Variants in OVCH2 observed in about 807,000 individuals in gnomAD.
OVCH2 encodes the protein ovochymase-2.
OVCH2 carries 88 observed loss-of-function variants against 73.7 expected under a neutral mutation model. The observed-to-expected ratio is 1.19, with a 90% CI of 1.01 to 1.43. OVCH2 has a LOEUF of 1.43. OVCH2 is among the 40% of genes most tolerant of loss of function. The pLI, the probability that OVCH2 is intolerant of heterozygous loss-of-function variation, is 0.00. For synonymous variants in OVCH2, 265 were observed against 234.5 expected (o/e 1.13, Z -1.19); for missense variants, 706 against 674.5 (o/e 1.05, Z -0.52).
intron 7 of OVCH2, chr11:7,699,074 C>A: frequency 3.3e-6 from 1 of 298,636 alleles, no homozygotes; most frequent in Non-Finnish European, 6.3e-6. Flanking sequence ...ATAGTTTGTC[C>A]ATAACTATAA....
At chr11:7,693,232 T>C (rs932319626) in intron 12 of OVCH2, among the ~76,000 whole-genome samples, 3 of 152,194 alleles carry the variant, frequency 2.0e-5, no homozygotes, top group Non-Finnish European at 4.4e-5. Flanking sequence ...GAAAGGATTG[T>C]GTGGATAAAA....
rs1362996598 is a variant in OVCH2, at chr11:7,700,358, G to T, written c.839C>A (p.Ser280Tyr). The change falls in exon 7 of 16, where the codon TCC becomes TAC. Residue 280 changes from serine to tyrosine, a missense_variant. By Grantham distance (144) the Ser-to-Tyr change is moderately radical. Coordinates refer to ENST00000533663, the MANE Select transcript of OVCH2 (RefSeq NM_198185.7). ...ACTAATGTCTGTGAAGATCCCAGGG[G>T]ATCCTTGATCACTTTTCCTCACATT... ...RNNVRKSDQG[S>Y]PGIFTDISKV... is the part of the protein sequence containing the mutation. 3.1e-6 allele frequency: 5 copies of T among 1,613,624 alleles called. No individual in the cohort carries two copies. The highest frequency in any genetic ancestry group is 1.7e-5 in the Admixed American group (1 of 59,926).
intron 6 of OVCH2, 85 bp from the exon 7 acceptor site, chr11:7,700,570 G>T: frequency 7.0e-7 from 1 of 1,427,826 alleles, no homozygotes; most frequent in Non-Finnish European, 9.4e-7. Flanking sequence ...GGATGCTGGA[G>T]GAGGATCAAT....
At chr11:7,704,901 G>A (rs1202349747) in intron 1 of OVCH2, among the ~76,000 whole-genome samples, 3 of 152,066 alleles carry the variant, frequency 2.0e-5, no homozygotes, top group African/African-American at 7.2e-5. Flanking sequence ...GTTGGTACTC[G>A]GATAGAGGTT....
At position 7,692,007 on chromosome 11, in the gene OVCH2, C is replaced by T. The variant is rs374978292; in HGVS notation, c.1414-12G>A. 103 of 1,536,814 alleles carry T rather than the reference C, an allele frequency of 6.7e-5. No individual in the cohort carries two copies. In the Middle Eastern group the frequency reaches 1.0e-3, roughly 15 times the overall value. ...CTCTGAAATGAAAGCTGAGAAGACA[C>T]GAAGTTACATCCAGAGTAAACAATC... is the stretch of plus-strand genomic sequence containing the variant. On this transcript the variant is annotated splice_polypyrimidine_tract_variant and intron_variant, in intron 12 of 15. Transcript: ENST00000533663.
At chr11:7,698,362 C>T (rs1032094899) in intron 8 of OVCH2, among the ~76,000 whole-genome samples, 15 of 152,174 alleles carry the variant, frequency 9.9e-5, no homozygotes, top group African/African-American at 2.4e-4. Context: ...GGAAAAGGCT[C>T]GCCCAAAGTC....
At chr11:7,685,419 C>T (rs950759184), downstream of OVCH2, among the ~76,000 whole-genome samples, 1 of 151,038 alleles carries the variant, frequency 6.6e-6, no homozygotes, top group Non-Finnish European at 1.5e-5. Context: ...TTTCTACCCA[C>T]CTGCTGAGGA....
At chr11:7,687,777 A>G (rs4353266), downstream of OVCH2, among the ~76,000 whole-genome samples, 55,269 of 151,866 alleles carry the variant, frequency 0.36, 11,698 homozygotes, top group African/African-American at 0.59. Flanking sequence ...AATTTATTTC[A>G]CAAAGTTCTG....
chr11:7,686,475 T>C (rs1220054939), downstream of OVCH2, among the ~76,000 whole-genome samples: 1 of 152,238 alleles, frequency 6.6e-6, no homozygotes, highest in African/African-American at 2.4e-5. Context: ...CATTCTCTCA[T>C]GATGAACAAG....
chr11:7,694,608 T>TTTTTG (rs1565167130), intron 12 of OVCH2, among the ~76,000 whole-genome samples: 2 of 74,708 alleles, frequency 2.7e-5, no homozygotes, highest in East Asian at 7.8e-4. Flanking sequence ...AACACAAAGT[T>TTTTTG]TTTGTTTTGT....
chr11:7,680,656 C>T, the OVCH2 span, among the ~76,000 whole-genome samples: 9 of 152,174 alleles, frequency 5.9e-5, no homozygotes, highest in Non-Finnish European at 1.3e-4. Flanking sequence ...TGGATTTTCC[C>T]CTCAGAGCCT....
rs144283163 is a variant in OVCH2 at position 7,702,193 on chromosome 11, T to A, written c.427A>T (p.Ile143Phe). Residue 143 changes from isoleucine to phenylalanine, a missense_variant, in exon 4 of 16, where the codon ATT becomes TTT. Ile to Phe is a conservative substitution (Grantham distance 21). Coordinates refer to ENST00000533663, the MANE Select transcript of OVCH2 (RefSeq NM_198185.7). ...GCTCCAGCCATCTTCAAAAGGGCAA[T>A]ATCATAGTCCATTGGTTTCTTGGTG... Reference protein sequence around the residue: ...FSTKKPMDYDIALLKMAGAFQ... With the variant: ...FSTKKPMDYDFALLKMAGAFQ... 91 of 1,612,142 alleles carry A rather than the reference T, an allele frequency of 5.6e-5. No individual in the cohort carries two copies. The African/African-American group carries it at 1.0e-3, about 18-fold the overall frequency.
At chr11:7,700,214 C>G in intron 7 of OVCH2, 82 bp downstream of exon 7, 1 of 1,395,824 alleles carries the variant, frequency 7.2e-7, no homozygotes, top group South Asian at 1.3e-5. Context: ...TTCAGGTGCT[C>G]TGATTTGCCA....
intron 13 of OVCH2, 112 bp from the exon 14 acceptor site, chr11:7,691,512 C>CT: frequency 7.5e-7 from 1 of 1,326,592 alleles, no homozygotes; most frequent in South Asian, 1.6e-5. Context: ...GAGAAATACG[C>CT]TTTTCACAAT....
chr11:7,690,925 G>A (rs1222866715), intron 14 of OVCH2, among the ~76,000 whole-genome samples: 2 of 152,156 alleles, frequency 1.3e-5, no homozygotes, highest in African/African-American at 2.4e-5. Context: ...GCTTTGTTCA[G>A]ACATGAGTCA....
intron 1 of OVCH2, among the ~76,000 whole-genome samples, chr11:7,705,025 G>A (rs888139053): frequency 2.0e-5 from 3 of 152,138 alleles, no homozygotes; most frequent in African/African-American, 2.4e-5. Flanking sequence ...CAGCAAAGAG[G>A]TAGACTAGAT....
At chr11:7,680,583 A>G in the OVCH2 span, among the ~76,000 whole-genome samples, 1 of 152,114 alleles carries the variant, frequency 6.6e-6, no homozygotes, top group Non-Finnish European at 1.5e-5. Context: ...AACTTTGAAG[A>G]TGGGGGGAGG....
downstream of OVCH2, among the ~76,000 whole-genome samples, chr11:7,686,530 T>G (rs1444901481): frequency 6.6e-6 from 1 of 152,200 alleles, no homozygotes; most frequent in East Asian, 1.9e-4. Context: ...AGACATTTGT[T>G]GTTAAATACA....
At position 7,693,447 on chromosome 11, in the gene OVCH2, G is replaced by A. The variant is rs149978251; in HGVS notation, c.1414-1452C>T. Among the ~76,000 whole-genome samples, 553 of 152,252 alleles carry A rather than the reference G, an allele frequency of 3.6e-3. 5 individuals carry two copies. Among genetic ancestry groups the A allele is most frequent in the African/African-American group, 0.013 (522 of 41,548 alleles). The stretch of plus-strand genomic sequence containing the variant: ...CAAATTACTATCTTACACGAGTTCT[G>A]CAAAATGATGCTGTCACTGGCAGAG... On this transcript the variant is annotated intron_variant, in intron 12 of 15. Coordinates refer to ENST00000533663, the MANE Select transcript of OVCH2 (RefSeq NM_198185.7).
Sources: allele counts gnomAD v4.1 joint callset (sites outside exome capture counted in the v4.1 genomes callset), GRCh38; gene constraint gnomAD v4.1.1; transcripts MANE v1.5; gene names NCBI Gene and HGNC (gene_info 2026-07-23, HGNC 2026-07-21).